Variants in DSTN observed in about 807,000 individuals in gnomAD.
DSTN encodes destrin.
DSTN carries 10 observed loss-of-function variants against 16.8 expected under a neutral mutation model. The ratio of observed to expected loss-of-function variants is 0.60; its 90% CI spans 0.37 to 1.01. The LOEUF (loss-of-function observed/expected upper bound fraction) is 1.01, where lower values mean the gene tolerates loss of function less well. Among genes scored for constraint, DSTN ranks in the 50% least tolerant of loss-of-function variants. The probability of loss-of-function intolerance (pLI) is 0.01; values close to 1 mark genes in which losing one functional copy is unlikely to be tolerated. For missense variants in DSTN, 141 were observed against 196.7 expected (o/e 0.72, Z 1.69); for synonymous variants, 57 against 58.9 (o/e 0.97, Z 0.14).
intron 1 of DSTN, among the ~76,000 whole-genome samples, chr20:17,571,159 C>G (rs1213549379): frequency 6.6e-6 from 1 of 152,232 alleles, no homozygotes; most frequent in Non-Finnish European, 1.5e-5. Context: ...AACGTATTCT[C>G]AACTGAACTA....
chr20:17,592,360 A>C (rs937757446), intron 1 of DSTN, among the ~76,000 whole-genome samples: 1 of 151,162 alleles, frequency 6.6e-6, no homozygotes, highest in Non-Finnish European at 1.5e-5. Flanking sequence ...CCAGGAGGTC[A>C]GGGCTCCTGC....
rs59974407 is a variant in DSTN at position 17,594,082 on chromosome 20, A to AAAATAAATAAATAAAT, written c.4-6634_4-6619dup. 2.2e-3 allele frequency among the ~76,000 whole-genome samples: 322 copies of AAAATAAATAAATAAAT among 145,604 alleles called. 2 individuals are homozygous for AAAATAAATAAATAAAT. The highest frequency in any genetic ancestry group is 4.5e-3 in the East Asian group (22 of 4,866). ...GGTGACGAAGTGACACCGTATCTCA[A>AAAATAAATAAATAAAT]AAATAAATAAATAAATAAATAAATA... On this transcript the variant is annotated intron_variant, in intron 1 of 3. Coordinates refer to ENST00000246069, the MANE Select transcript of DSTN (RefSeq NM_006870.4).
intron 1 of DSTN, among the ~76,000 whole-genome samples, chr20:17,595,205 C>T (rs1468276039): frequency 2.0e-5 from 3 of 152,160 alleles, no homozygotes; most frequent in African/African-American, 7.2e-5. Flanking sequence ...AGCCCTTTTT[C>T]TTGTCCTTAG....
chr20:17,578,040 C>G (rs1450507840), intron 1 of DSTN, among the ~76,000 whole-genome samples: 2 of 152,162 alleles, frequency 1.3e-5, no homozygotes, highest in African/African-American at 4.8e-5. Flanking sequence ...CTTTATTGGA[C>G]CAACCTAAGA....
chr20:17,584,035 A>G (rs1429132983), intron 1 of DSTN, among the ~76,000 whole-genome samples: 2 of 152,108 alleles, frequency 1.3e-5, no homozygotes, highest in Non-Finnish European at 2.9e-5. Flanking sequence ...CATTACACCC[A>G]GCCCAGGGTT....
chr20:17,586,038 A>T (rs1344288100), intron 1 of DSTN, among the ~76,000 whole-genome samples: 1 of 152,198 alleles, frequency 6.6e-6, no homozygotes, highest in Non-Finnish European at 1.5e-5. Context: ...AAGCTTCCTT[A>T]TGCTGAGAAA....
At chr20:17,600,372 G>A (rs1457952925) in intron 1 of DSTN, among the ~76,000 whole-genome samples, 1 of 152,162 alleles carries the variant, frequency 6.6e-6, no homozygotes, top group Non-Finnish European at 1.5e-5. Flanking sequence ...GGAATTTTAG[G>A]TATCATGAAT....
intron 1 of DSTN, among the ~76,000 whole-genome samples, chr20:17,583,069 C>T (rs2035363571): frequency 6.6e-6 from 1 of 152,142 alleles, no homozygotes; most frequent in Non-Finnish European, 1.5e-5. Context: ...TAAAGATGTG[C>T]AAATGACTAA....
intron 1 of DSTN, among the ~76,000 whole-genome samples, chr20:17,587,702 A>G (rs1033241520): frequency 6.6e-6 from 1 of 151,768 alleles, no homozygotes; most frequent in Non-Finnish European, 1.5e-5. Context: ...CATTGTGTAC[A>G]TGATAACTGA....
At chr20:17,598,572 T>A (rs1002601653) in intron 1 of DSTN, among the ~76,000 whole-genome samples, 21 of 152,350 alleles carry the variant, frequency 1.4e-4, no homozygotes, top group Admixed American at 8.5e-4. Flanking sequence ...TGCCTTTTTT[T>A]ATAATTGAGT....
At position 17,607,357 on chromosome 20, in the gene DSTN, A is replaced by C; in HGVS notation, c.*211A>C. The C allele has an allele frequency of 2.3e-6, 1 of 444,112 alleles. No individual in the cohort carries two copies. The highest frequency in any genetic ancestry group is 3.9e-6 in the Non-Finnish European group (1 of 253,972). The allele number at this position is 444,112 out of a possible 1,614,324, so 27.5% of individuals were successfully genotyped here. A position where few individuals can be genotyped will look rare whatever the true frequency, so the allele number is the denominator to read the frequency against. The stretch of plus-strand genomic sequence containing the variant: ...TGTGAAATTAAATTCTTATTGGCCA[A>C]ATGCCTGTTTTGATGAGTTGATTTA... On this transcript the variant is annotated 3_prime_UTR_variant, in exon 4 of 4. Transcript: ENST00000246069.
chr20:17,577,964 A>G (rs190816811), intron 1 of DSTN, among the ~76,000 whole-genome samples: 139 of 152,376 alleles, frequency 9.1e-4, no homozygotes, highest in Non-Finnish European at 1.7e-3. Context: ...TTAAATGAAA[A>G]TACAGTTCCT....
intron 2 of DSTN, among the ~76,000 whole-genome samples, chr20:17,602,668 A>C (rs1370334198): frequency 6.6e-6 from 1 of 152,170 alleles, no homozygotes; most frequent in Non-Finnish European, 1.5e-5. Flanking sequence ...TAGTTTAACA[A>C]TTTGGTTAGA....
chr20:17,592,178 CATTT>C, intron 1 of DSTN: 1 of 890,746 alleles, frequency 1.1e-6, no homozygotes, highest in Non-Finnish European at 1.3e-6. Context: ...GTAATCCCAG[CATTT>C]TGGGAGGCCA....
At chr20:17,573,978 T>C (rs868156757) in intron 1 of DSTN, among the ~76,000 whole-genome samples, 2 of 150,994 alleles carry the variant, frequency 1.3e-5, no homozygotes, top group Non-Finnish European at 2.9e-5. Flanking sequence ...GGCAGGAGGA[T>C]TGCTTGAAGC....
At chr20:17,588,447 C>T (rs1233065288) in intron 1 of DSTN, among the ~76,000 whole-genome samples, 2 of 152,160 alleles carry the variant, frequency 1.3e-5, no homozygotes, top group South Asian at 2.1e-4. Context: ...ATCAGCATGT[C>T]CTTAACCTTG....
intron 1 of DSTN, among the ~76,000 whole-genome samples, chr20:17,593,246 CT>C (rs2035489521): frequency 6.6e-6 from 1 of 152,184 alleles, no homozygotes; most frequent in East Asian, 1.9e-4. Flanking sequence ...AAGCTACTTT[CT>C]TTAAATTCCC....
intron 1 of DSTN, among the ~76,000 whole-genome samples, chr20:17,576,788 C>CA (rs1209869567): frequency 2.0e-5 from 3 of 152,212 alleles, no homozygotes; most frequent in Admixed American, 6.5e-5. Context: ...TTTGCCTTCT[C>CA]ACAGGAAAGC....
At chr20:17,596,467 C>G (rs2035527669) in intron 1 of DSTN, among the ~76,000 whole-genome samples, 1 of 152,190 alleles carries the variant, frequency 6.6e-6, no homozygotes. Context: ...ATATTGCAGT[C>G]TAGTCACTAA....
Sources: gnomAD v4.1 joint callset for allele counts (sites outside exome capture counted in the v4.1 genomes callset) on GRCh38, gnomAD v4.1.1 for gene constraint, MANE v1.5 for transcripts, NCBI Gene and HGNC (gene_info 2026-07-23, HGNC 2026-07-21) for gene names.